MYO16: variants seen among roughly 807,000 people sequenced by gnomAD.
MYO16 encodes the protein unconventional myosin-XVI.
A neutral mutation model predicts 205.3 loss-of-function variants in MYO16; 94 were observed. The ratio of observed to expected loss-of-function variants is 0.46; its 90% CI spans 0.39 to 0.54. The LOEUF (loss-of-function observed/expected upper bound fraction) is 0.54. Among genes scored for constraint, MYO16 ranks in the 20% least tolerant of loss-of-function variants. The probability of loss-of-function intolerance (pLI) is 0.00; values close to 1 mark genes in which losing one functional copy is unlikely to be tolerated. For synonymous variants in MYO16, 988 were observed against 954.0 expected (o/e 1.04, Z -0.66); for missense variants, 2,315 against 2,387.5 (o/e 0.97, Z 0.63).
intron 28 of MYO16, among the ~76,000 whole-genome samples, chr13:109,117,066 T>A (rs1477722681): frequency 5.3e-5 from 8 of 152,090 alleles, no homozygotes; most frequent in Admixed American, 4.6e-4. Flanking sequence ...TTTCACCCCA[T>A]GTTTCTTTTT....
chr13:108,913,083 ACAGT>A (rs1881338620), intron 16 of MYO16, among the ~76,000 whole-genome samples: 1 of 152,208 alleles, frequency 6.6e-6, no homozygotes, highest in Non-Finnish European at 1.5e-5. Flanking sequence ...AGAAAGTCAA[ACAGT>A]CAGGGGTGAC....
intron 16 of MYO16, among the ~76,000 whole-genome samples, chr13:108,934,044 T>G (rs943071093): frequency 6.6e-6 from 1 of 152,148 alleles, no homozygotes; most frequent in Non-Finnish European, 1.5e-5. Context: ...CTATTGAGAA[T>G]AATGCTGCAA....
chr13:109,019,755 G>T lies in MYO16; in HGVS notation c.2640G>T (p.Met880Ile), dbSNP rs769677937. 6.2e-7 allele frequency: 1 copy of T among 1,614,104 alleles called. No individual in the cohort carries two copies. The highest frequency in any genetic ancestry group is 8.5e-7 in the Non-Finnish European group (1 of 1,179,990). Residue 880 changes from methionine (M) to isoleucine (I), a missense_variant, in exon 23 of 35, where the codon ATG (methionine) becomes ATT (isoleucine). This residue lies in a region of MYO16 where 1,213 missense variants were observed against 1,274.4 expected (regional missense o/e 0.95). Transcript: ENST00000457511. Reference sequence around the variant, plus strand: ...CCTTATTGGATGAAGAAAGTCAAATGATTTGGTCAGTGGAATCAAATTTTC... The same window carrying T: ...CCTTATTGGATGAAGAAAGTCAAATTATTTGGTCAGTGGAATCAAATTTTC... ...FLTLLDEESQ[M>I]IWSVESNFPK...
intron 20 of MYO16, among the ~76,000 whole-genome samples, chr13:108,984,963 G>A (rs1331376649): frequency 6.6e-6 from 1 of 152,190 alleles, no homozygotes; most frequent in East Asian, 1.9e-4. Flanking sequence ...AAGGAAAGAA[G>A]TCTCTTATTG....
intron 17 of MYO16, among the ~76,000 whole-genome samples, chr13:108,959,609 T>C (rs1326889041): frequency 1.3e-5 from 2 of 152,100 alleles, no homozygotes; most frequent in East Asian, 1.9e-4. Flanking sequence ...TTTAGAGGGA[T>C]AGATTATGTC....
the MYO16 span, among the ~76,000 whole-genome samples, chr13:108,540,745 C>A: frequency 6.6e-6 from 1 of 152,020 alleles, no homozygotes; most frequent in African/African-American, 2.4e-5. Flanking sequence ...GCAAAGAGCC[C>A]ATTTCTGAAG....
the MYO16 span, among the ~76,000 whole-genome samples, chr13:108,549,579 G>T: frequency 2.5e-4 from 38 of 152,168 alleles, 2 homozygotes; most frequent in Admixed American, 6.5e-4. Flanking sequence ...AATACCTAAT[G>T]TGTAAGTAAA....
chr13:108,829,545 T>C (rs562022364), intron 9 of MYO16, among the ~76,000 whole-genome samples: 1 of 152,280 alleles, frequency 6.6e-6, no homozygotes, highest in East Asian at 1.9e-4. Flanking sequence ...AATACTCTGA[T>C]GAGGTTGTGT....
chr13:109,173,947 T>G (rs1284773286), intron 33 of MYO16, among the ~76,000 whole-genome samples: 4 of 115,232 alleles, frequency 3.5e-5, no homozygotes, highest in African/African-American at 6.9e-5. Flanking sequence ...CTTGTTTTGA[T>G]GGGGGGGGGT....
chr13:108,517,437 A>T, the MYO16 span, among the ~76,000 whole-genome samples: 1 of 152,210 alleles, frequency 6.6e-6, no homozygotes, highest in Admixed American at 6.5e-5. Flanking sequence ...GGAGAGTTGT[A>T]CGCCCTGCTG....
intron 5 of MYO16, among the ~76,000 whole-genome samples, chr13:108,791,656 C>T (rs556688901): frequency 2.0e-5 from 3 of 152,232 alleles, no homozygotes; most frequent in East Asian, 3.9e-4. Context: ...CATCCAGGCT[C>T]GGAGAAGGAG....
intron 9 of MYO16, among the ~76,000 whole-genome samples, chr13:108,826,346 T>C (rs1363812235): frequency 6.6e-6 from 1 of 152,104 alleles, no homozygotes; most frequent in Non-Finnish European, 1.5e-5. Context: ...CAATAAACAG[T>C]ACTGAGACAA....
intron 16 of MYO16, among the ~76,000 whole-genome samples, chr13:108,941,511 T>G (rs1882720094): frequency 6.6e-6 from 1 of 151,828 alleles, no homozygotes; most frequent in Non-Finnish European, 1.5e-5. Context: ...ACCCCGTGTC[T>G]ACTAAAAATA....
rs141750781 is a variant in MYO16 at position 109,029,076 on chromosome 13, A to T, written c.2796+9165A>T. 6.6e-3 allele frequency among the ~76,000 whole-genome samples: 992 copies of T among 151,314 alleles called. 14 individuals carry two copies. Among genetic ancestry groups the T allele is most frequent in the African/African-American group, 0.023 (929 of 41,246 alleles). ...TCGATTCTAGATGATCTAGTGATGA[A>T]AGCCAACCTCTTTGCCTTTAAACAT... is the stretch of plus-strand genomic sequence containing the variant. On this transcript the variant is annotated intron_variant, in intron 23 of 34. Coordinates refer to ENST00000457511, the MANE Select transcript of MYO16 (RefSeq NM_001198950.3).
At chr13:109,032,295 C>T (rs9587759) in intron 23 of MYO16, among the ~76,000 whole-genome samples, 2,616 of 152,292 alleles carry the variant, frequency 0.017, 78 homozygotes, top group African/African-American at 0.06. Context: ...GCTATCAAAA[C>T]CTCCATCTGT....
At chr13:108,549,407 C>T in the MYO16 span, among the ~76,000 whole-genome samples, 16 of 98,744 alleles carry the variant, frequency 1.6e-4, no homozygotes, top group East Asian at 4.2e-4. Flanking sequence ...GCTGCTGACA[C>T]CGTTTCTGTA....
At chr13:108,885,739 T>C (rs196138) in intron 13 of MYO16, among the ~76,000 whole-genome samples, 80,919 of 151,922 alleles carry the variant, frequency 0.53, 21,940 homozygotes, top group African/African-American at 0.6. Context: ...AATTCTAGGA[T>C]GATCATTGCA....
At chr13:109,013,530 G>A (rs1213971579) in intron 22 of MYO16, among the ~76,000 whole-genome samples, 1 of 152,170 alleles carries the variant, frequency 6.6e-6, no homozygotes, top group East Asian at 1.9e-4. Flanking sequence ...AGATCTTTGA[G>A]GGATCACCAC....
the MYO16 span, among the ~76,000 whole-genome samples, chr13:108,569,241 T>A: frequency 2.0e-5 from 3 of 152,156 alleles, no homozygotes; most frequent in African/African-American, 7.2e-5. Flanking sequence ...CGTTTGTAAA[T>A]CAATCTGAAG....
Sources: gnomAD v4.1 joint callset for allele counts (sites outside exome capture counted in the v4.1 genomes callset) on GRCh38, gnomAD v4.1.1 for gene constraint, gnomAD v4.1.1 regional missense constraint, MANE v1.5 for transcripts, NCBI Gene and HGNC (gene_info 2026-07-23, HGNC 2026-07-21) for gene names.